RTEL1: variants seen among roughly 807,000 people sequenced by gnomAD.
The protein encoded by RTEL1 is regulator of telomere elongation helicase 1, also known as regulator of telomere length.
RTEL1 carries 86 observed loss-of-function variants against 162.2 expected under a neutral mutation model. The observed-to-expected ratio is 0.53, with a 90% CI of 0.45 to 0.63. The LOEUF (loss-of-function observed/expected upper bound fraction) is 0.63, where lower values mean the gene tolerates loss of function less well. Ranked by LOEUF, RTEL1 falls within the 30% of genes least tolerant of loss-of-function variation. RTEL1 has a pLI of 0.00. For missense variants in RTEL1, 1,941 were observed against 1,750.2 expected, an observed-to-expected ratio of 1.11 and a Z score of -1.95; for synonymous variants, 958 against 717.9, an observed-to-expected ratio of 1.33 and a Z score of -5.35.
Position 63,694,223 on chromosome 20 carries a change from C to G in RTEL1, c.2993-149C>G, listed in dbSNP as rs1410095042. On this transcript the variant is annotated intron_variant, in intron 30 of 34. Coordinates refer to ENST00000360203, the MANE Select transcript of RTEL1 (RefSeq NM_001283009.2). ...GCAGGCTGGTGTCTCCTCTGATGCC[C>G]CCAGCACCCAGGCGTGTACCTGCCT... The G allele has an allele frequency of 7.2e-6, 5 of 692,548 alleles. No individual in the cohort carries two copies. The Admixed American group carries it at 1.1e-4, about 15-fold the overall frequency. The allele number at this position is 692,548 out of a possible 1,614,324, so 42.9% of individuals were successfully genotyped here.
intron 28 of RTEL1, chr20:63,692,043 A>G (rs1160992309): frequency 3.7e-6 from 2 of 539,866 alleles, no homozygotes; most frequent in Admixed American, 6.4e-5. Context: ...AGCTGGAATC[A>G]GGCCCCACCC....
intron 2 of RTEL1, among the ~76,000 whole-genome samples, chr20:63,659,764 A>C (rs1466367186): frequency 6.6e-6 from 1 of 152,072 alleles, no homozygotes; most frequent in Non-Finnish European, 1.5e-5. Context: ...AATGAATAAG[A>C]CACAGAGACA....
At chr20:63,681,401 AGC>A (rs2090474972) in intron 14 of RTEL1, 5 of 985,146 alleles carry the variant, frequency 5.1e-6, no homozygotes, top group Admixed American at 1.2e-4. Flanking sequence ...TGACTGGGGA[AGC>A]CAAGGCACAG....
chr20:63,658,106 G>A (rs922353452), upstream of RTEL1: 1 of 152,372 alleles, frequency 6.6e-6, no homozygotes, highest in African/African-American at 2.4e-5. Context: ...AGACCCTGGT[G>A]GGGGAATGAC....
rs540224576 is a variant in RTEL1 at position 63,664,376 on chromosome 20, G to A, written c.538+1487G>A. Among the ~76,000 whole-genome samples, 17 of 152,334 alleles carry A rather than the reference G, an allele frequency of 1.1e-4. No individual in the cohort carries two copies. In the East Asian group the frequency reaches 3.3e-3, roughly 29 times the overall value. On this transcript the variant is annotated intron_variant, in intron 6 of 34. Transcript: ENST00000360203. Reference sequence around the variant, plus strand: ...ATGGGCCTGGCCGGCCGTGGTCCTGGACAAGGGCAGTGCCCCGGTGGCTGC... The same window carrying A: ...ATGGGCCTGGCCGGCCGTGGTCCTGAACAAGGGCAGTGCCCCGGTGGCTGC...
At chr20:63,681,825 A>C (rs2090483383) in intron 14 of RTEL1, 2 of 985,238 alleles carry the variant, frequency 2.0e-6, no homozygotes, top group African/African-American at 1.7e-5. Flanking sequence ...CTGGAAGGAC[A>C]GCACTGCCTT....
intron 14 of RTEL1, chr20:63,681,870 A>C: frequency 2.0e-6 from 2 of 985,370 alleles, no homozygotes; most frequent in Non-Finnish European, 2.4e-6. Flanking sequence ...CACGGTGGGC[A>C]TCCCAGGCCC....
In RTEL1 at chr20:63,661,640, T is replaced by C; in HGVS notation, c.301+144T>C. 1 of 1,002,260 alleles carries C rather than the reference T, an allele frequency of 1.0e-6. No individual in the cohort carries two copies. Among genetic ancestry groups the C allele is most frequent in the Non-Finnish European group, 1.4e-6 (1 of 690,002 alleles). 62.1% of individuals were successfully genotyped at this position (1,002,260 alleles called of 1,614,324 possible). ...AATTTTTTAGCTGCTGTATAATTTC[T>C]CGCCATCGTGGGTGTAAACCTAGGG... On this transcript the variant is annotated intron_variant, in intron 3 of 34. Transcript: ENST00000360203. The surrounding 1 kb of genome is among the most constrained non-coding windows in gnomAD (Gnocchi z 5.1).
intron 19 of RTEL1, 48 bp from the exon 20 acceptor site, chr20:63,688,253 C>T (rs746013687): frequency 1.1e-4 from 183 of 1,608,750 alleles, no homozygotes; most frequent in Non-Finnish European, 1.5e-4. Context: ...GGTAGGGAAC[C>T]CTGCAGACAT....
Position 63,668,727 on chromosome 20 carries a change from G to A in RTEL1, c.699+1174G>A, listed in dbSNP as rs2090189751. Among the ~76,000 whole-genome samples, 1 of 152,160 alleles carries A rather than the reference G, an allele frequency of 6.6e-6. No homozygotes were observed. Among genetic ancestry groups the A allele is most frequent in the Admixed American group, 6.5e-5 (1 of 15,268 alleles). On this transcript the variant is annotated intron_variant, in intron 8 of 34. Coordinates refer to ENST00000360203, the MANE Select transcript of RTEL1 (RefSeq NM_001283009.2). The surrounding 1 kb of genome is among the most constrained non-coding windows in gnomAD (Gnocchi z 4.3). ...CCTGGCTGCCCCTGGGAACCATCTG[G>A]AGAGCTTCTAACCCAACCAGGCCCC...
intron 12 of RTEL1, among the ~76,000 whole-genome samples, chr20:63,678,771 G>A (rs548547450): frequency 7.7e-6 from 1 of 129,302 alleles, no homozygotes; most frequent in Non-Finnish European, 1.6e-5. Context: ...ACTCTCCCAC[G>A]GAACAGCACA....
chr20:63,675,736 G>A (rs1481147500), intron 10 of RTEL1, among the ~76,000 whole-genome samples: 2 of 152,104 alleles, frequency 1.3e-5, no homozygotes, highest in Admixed American at 1.3e-4. Context: ...GACTTTGAAC[G>A]CTCCACCTCC....
At chr20:63,659,587 T>G (rs1193145500) in intron 2 of RTEL1, 83 bp downstream of exon 2, 1 of 1,060,790 alleles carries the variant, frequency 9.4e-7, no homozygotes, top group Non-Finnish European at 1.5e-6. Context: ...CCCGGCCCAT[T>G]CCAGCCAGGC....
chr20:63,681,008 C>T, intron 14 of RTEL1: 1 of 985,400 alleles, frequency 1.0e-6, no homozygotes, highest in Non-Finnish European at 1.2e-6. Flanking sequence ...CCTGTCCGGG[C>T]CCTCAGGCCA....
chr20:63,684,288 C>T (rs544599804), intron 14 of RTEL1, among the ~76,000 whole-genome samples: 1 of 152,328 alleles, frequency 6.6e-6, no homozygotes, highest in African/African-American at 2.4e-5. Flanking sequence ...GCACCTGCCA[C>T]ACTTTTCCTC....
intron 28 of RTEL1, 98 bp from the exon 29 acceptor site, chr20:63,692,707 G>A: frequency 8.3e-7 from 1 of 1,210,856 alleles, no homozygotes; most frequent in Non-Finnish European, 1.2e-6. Context: ...GGCAGTCACT[G>A]TCCCAGGGAA....
chr20:63,695,751 G>T (rs111967860), intron 34 of RTEL1, 27 bp from the exon 35 acceptor site: 7 of 1,590,278 alleles, frequency 4.4e-6, no homozygotes, highest in Non-Finnish European at 4.3e-6. Context: ...CCTGGCAGAC[G>T]TGTGCAGTGG....
At chr20:63,662,495 G>C in intron 4 of RTEL1, 51 bp from the exon 5 acceptor site, 1 of 1,608,564 alleles carries the variant, frequency 6.2e-7, no homozygotes, top group East Asian at 2.2e-5. Context: ...GGGCCACGCT[G>C]TGGGTGTTGG....
rs769266257 is a variant in RTEL1, at chr20:63,685,750, C to G, written c.1267-41C>G. ...AAAAGGTAAGGGGCTGCCCCCAGGA[C>G]ATGGGCGGGGCCTCCACACTCCTGG... On this transcript the variant is annotated intron_variant, in intron 15 of 34. Coordinates refer to ENST00000360203, the MANE Select transcript of RTEL1 (RefSeq NM_001283009.2). 26 of 1,601,748 alleles carry G rather than the reference C, an allele frequency of 1.6e-5. No homozygotes were observed. In the East Asian group the frequency reaches 5.8e-4, roughly 36 times the overall value.
Sources: gnomAD v4.1 joint callset for allele counts (sites outside exome capture counted in the v4.1 genomes callset) on GRCh38, gnomAD v4.1.1 for gene constraint, Gnocchi (gnomAD v3.1) non-coding constraint, MANE v1.5 for transcripts, NCBI Gene and HGNC (gene_info 2026-07-23, HGNC 2026-07-21) for gene names.